Variants in EFHD2 observed in about 807,000 individuals in gnomAD.
The protein encoded by EFHD2 is EF-hand domain family member D2.
Under a neutral mutation model 20.3 loss-of-function variants are expected in EFHD2, and 12 were observed. That is an observed-to-expected ratio of 0.59 (90% CI 0.38 to 0.96). The LOEUF (loss-of-function observed/expected upper bound fraction) is 0.96, where lower values mean the gene tolerates loss of function less well. EFHD2 is among the 40% of genes least tolerant of loss of function. The pLI is 0.00. For missense variants in EFHD2, 250 were observed against 334.3 expected, an observed-to-expected ratio of 0.75 and a Z score of 1.97; for synonymous variants, 131 against 143.9, an observed-to-expected ratio of 0.91 and a Z score of 0.64.
intron 1 of EFHD2, among the ~76,000 whole-genome samples, chr1:15,421,817 C>A (rs896401609): frequency 3.3e-5 from 5 of 152,254 alleles, no homozygotes; most frequent in Non-Finnish European, 7.3e-5. Flanking sequence ...ACCAACAGCC[C>A]TCCTGACCTA....
At chr1:15,424,048 C>T (rs1023742983) in intron 1 of EFHD2, among the ~76,000 whole-genome samples, 1 of 151,536 alleles carries the variant, frequency 6.6e-6, no homozygotes, top group African/African-American at 2.4e-5. Flanking sequence ...AAAACTTGGC[C>T]AGTCATGGTG....
In EFHD2 at chr1:15,413,866, G is replaced by A. The variant is rs1360370602; in HGVS notation, c.308+3587G>A. 6.6e-6 allele frequency among the ~76,000 whole-genome samples: 1 copy of A among 152,150 alleles called. No individual in the cohort carries two copies. Among genetic ancestry groups the A allele is most frequent in the Non-Finnish European group, 1.5e-5 (1 of 68,028 alleles). On this transcript the variant is annotated intron_variant, in intron 1 of 3. Coordinates refer to ENST00000375980, the MANE Select transcript of EFHD2 (RefSeq NM_024329.6). The surrounding 1 kb of genome is among the most constrained non-coding windows in gnomAD (Gnocchi z 4.4). ...GAGGCTCTGCGTCTCCCTGGCCCTC[G>A]CAGCCAGGACTCTCCATCCCCGTCT...
chr1:15,417,299 G>A (rs976286668), intron 1 of EFHD2, among the ~76,000 whole-genome samples: 9 of 152,202 alleles, frequency 5.9e-5, no homozygotes, highest in Admixed American at 3.3e-4. Flanking sequence ...ATTAAGTTAC[G>A]TTATAAACAC....
At position 15,410,246 on chromosome 1, in the gene EFHD2, A is replaced by T. The variant is rs1570756757; in HGVS notation, c.275A>T (p.Lys92Met). Residue 92 changes from lysine (K) to methionine (M), a missense_variant, in exon 1 of 4, where the codon AAG becomes ATG. This residue lies in a region of EFHD2 where 143 missense variants were observed against 190.6 expected (regional missense o/e 0.75). Coordinates refer to ENST00000375980, the MANE Select transcript of EFHD2 (RefSeq NM_024329.6). ...ACCGAGTTCAAGGAGTTCTCCAGGA[A>T]GCAGATCAAGGACATGGAGAAGATG... is the stretch of plus-strand genomic sequence containing the variant. ...PYTEFKEFSR[K>M]QIKDMEKMFK... The T allele has an allele frequency of 3.7e-6, 6 of 1,605,518 alleles. No homozygotes were observed. Among genetic ancestry groups the T allele is most frequent in the Non-Finnish European group, 4.2e-6 (5 of 1,176,718 alleles).
At position 15,429,833 on chromosome 1, in the gene EFHD2, C is replaced by A. The variant is rs544119052; in HGVS notation, c.*1109C>A. 6.5e-6 allele frequency: 1 copy of A among 152,856 alleles called. No homozygotes were observed. Among genetic ancestry groups the A allele is most frequent in the Non-Finnish European group, 1.5e-5 (1 of 68,068 alleles). The allele number at this position is 152,856 out of a possible 1,614,324, so 9.5% of individuals were successfully genotyped here. On this transcript the variant is annotated 3_prime_UTR_variant, in exon 4 of 4. Coordinates refer to ENST00000375980, the MANE Select transcript of EFHD2 (RefSeq NM_024329.6). ...AGACAGGCCGTGGTCAGGCCCAGGC[C>A]ACCGGCCGGGTTCTGCCACAGCTTC...
chr1:15,420,384 C>G (rs1199641006), intron 1 of EFHD2, among the ~76,000 whole-genome samples: 1 of 152,136 alleles, frequency 6.6e-6, no homozygotes, highest in African/African-American at 2.4e-5. Context: ...CTCTGTTGCC[C>G]AGGCTGAAGA....
At chr1:15,411,501 G>C (rs1482752225) in intron 1 of EFHD2, among the ~76,000 whole-genome samples, 3 of 152,208 alleles carry the variant, frequency 2.0e-5, no homozygotes, top group Non-Finnish European at 2.9e-5. Context: ...CTCTCTCCCA[G>C]CCATGTGTGT....
At chr1:15,417,012 T>C (rs2103272700) in intron 1 of EFHD2, among the ~76,000 whole-genome samples, 1 of 152,210 alleles carries the variant, frequency 6.6e-6, no homozygotes, top group East Asian at 1.9e-4. Context: ...GGTCTCATTA[T>C]GTTGCTCAGA....
rs1707882009 is a variant in EFHD2, at chr1:15,427,037, C to G, written c.457-113C>G. On this transcript the variant is annotated intron_variant, in intron 2 of 3. Transcript: ENST00000375980. ...AGGGGCGAGACCCAGCTCACTGCCCCCCAGTCCTTCTCTGCAGGGGAGGCC... is the reference window on the plus strand; with the variant it reads ...AGGGGCGAGACCCAGCTCACTGCCCGCCAGTCCTTCTCTGCAGGGGAGGCC... The G allele has an allele frequency of 2.1e-6, 3 of 1,426,560 alleles. No homozygotes were observed. In the African/African-American group the frequency reaches 4.3e-5, roughly 20 times the overall value. 88.4% of individuals were successfully genotyped at this position (1,426,560 alleles called of 1,614,324 possible). A position where few individuals can be genotyped will look rare whatever the true frequency, so the allele number is the denominator to read the frequency against.
At position 15,428,615 on chromosome 1, in the gene EFHD2, G is replaced by T. The variant is rs766249060; in HGVS notation, c.614G>T (p.Ser205Ile). 4.3e-6 allele frequency: 7 copies of T among 1,611,288 alleles called. No homozygotes were observed. Among genetic ancestry groups the T allele is most frequent in the Admixed American group, 1.7e-5 (1 of 59,804 alleles). ...EAKVQAINVS[S>I]RFEEEIKAEQ... ...CAGGTCCAGGCCATCAACGTGTCCA[G>T]CCGCTTCGAGGAGGAGATCAAGGCA... is the stretch of plus-strand genomic sequence containing the variant. Residue 205 changes from serine to isoleucine, a missense_variant, in exon 4 of 4, where the codon AGC becomes ATC. Coordinates refer to ENST00000375980, the MANE Select transcript of EFHD2 (RefSeq NM_024329.6).
In EFHD2 at chr1:15,425,122, G is replaced by A. The variant is rs568693617; in HGVS notation, c.309-749G>A. Among the ~76,000 whole-genome samples, 47 of 152,272 alleles carry A rather than the reference G, an allele frequency of 3.1e-4. No homozygotes were observed. The South Asian group carries it at 9.1e-3, about 29-fold the overall frequency. ...TGCAAGGTTCTGCCATCTAGGGTGG[G>A]GGTGAGATGTCCTCCAAGTGCCCAT... On this transcript the variant is annotated intron_variant, in intron 1 of 3. Coordinates refer to ENST00000375980, the MANE Select transcript of EFHD2 (RefSeq NM_024329.6).
Position 15,422,736 on chromosome 1 carries a change from C to A in EFHD2, c.309-3135C>A, listed in dbSNP as rs1707813668. Among the ~76,000 whole-genome samples, 6 of 152,226 alleles carry A rather than the reference C, an allele frequency of 3.9e-5. 1 individual carries two copies. In the South Asian group the frequency reaches 1.2e-3, roughly 32 times the overall value. On this transcript the variant is annotated intron_variant, in intron 1 of 3. Transcript: ENST00000375980. Reference sequence around the variant, plus strand: ...ATTAGCCGAGCGTGGTGGCGGGCACCTGTAGTCGCAGCTACTCAGGAGGCT... The same window carrying A: ...ATTAGCCGAGCGTGGTGGCGGGCACATGTAGTCGCAGCTACTCAGGAGGCT...
Sources: gnomAD v4.1 joint callset for allele counts (sites outside exome capture counted in the v4.1 genomes callset) on GRCh38, gnomAD v4.1.1 for gene constraint, gnomAD v4.1.1 regional missense constraint, Gnocchi (gnomAD v3.1) non-coding constraint, MANE v1.5 for transcripts, NCBI Gene and HGNC (gene_info 2026-07-23, HGNC 2026-07-21) for gene names.